Variants in SGCZ observed in about 807,000 individuals in gnomAD.
The protein encoded by SGCZ is sarcoglycan zeta, also known as zeta-sarcoglycan.
In SGCZ, 40 loss-of-function variants were observed where a neutral mutation model predicts 41.3. The ratio of observed to expected loss-of-function variants is 0.97; its 90% CI spans 0.75 to 1.26. The LOEUF (loss-of-function observed/expected upper bound fraction) is 1.26. Ranked by LOEUF, SGCZ falls within the 50% of genes most tolerant of loss-of-function variation. SGCZ has a pLI of 0.00. For synonymous variants in SGCZ, 206 were observed against 137.5 expected, an observed-to-expected ratio of 1.50 and a Z score of -3.49; for missense variants, 552 against 369.8, an observed-to-expected ratio of 1.49 and a Z score of -4.04.
At chr8:14,792,955 C>T (rs1324905181) in intron 1 of SGCZ, among the ~76,000 whole-genome samples, 1 of 152,030 alleles carries the variant, frequency 6.6e-6, no homozygotes, top group Non-Finnish European at 1.5e-5. Flanking sequence ...ATTTCTAACT[C>T]AGATCTCTCA....
chr8:15,038,836 A>AG (rs1563458712), intron 1 of SGCZ, among the ~76,000 whole-genome samples: 1 of 145,490 alleles, frequency 6.9e-6, no homozygotes, highest in African/African-American at 2.6e-5. Context: ...AAAAAAAAAA[A>AG]AAAGAAAGAA....
At chr8:15,236,137 G>A (rs552980137) in intron 1 of SGCZ, among the ~76,000 whole-genome samples, 4 of 152,134 alleles carry the variant, frequency 2.6e-5, no homozygotes, top group Admixed American at 2.0e-4. Context: ...CTCAGTCTTC[G>A]GTGGAAGTGG....
chr8:15,108,785 G>A (rs150359863), intron 1 of SGCZ, among the ~76,000 whole-genome samples: 17 of 152,238 alleles, frequency 1.1e-4, no homozygotes, highest in African/African-American at 3.1e-4. Flanking sequence ...ACATGAATAC[G>A]TCTATGCTGT....
intron 3 of SGCZ, among the ~76,000 whole-genome samples, chr8:14,288,520 G>A (rs1050861836): frequency 6.6e-6 from 1 of 152,000 alleles, no homozygotes; most frequent in African/African-American, 2.4e-5. Context: ...TCATACAAAT[G>A]GGCTTATATA....
At chr8:15,116,906 T>C (rs1807289452) in intron 1 of SGCZ, among the ~76,000 whole-genome samples, 1 of 152,240 alleles carries the variant, frequency 6.6e-6, no homozygotes, top group Admixed American at 6.5e-5. Flanking sequence ...ATACGTATTT[T>C]AGGGATATAA....
intron 2 of SGCZ, among the ~76,000 whole-genome samples, chr8:14,509,824 T>C (rs1266201914): frequency 2.6e-5 from 4 of 152,052 alleles, no homozygotes; most frequent in African/African-American, 7.2e-5. Context: ...TTTTACAAAG[T>C]GGCAGGAGAG....
intron 2 of SGCZ, among the ~76,000 whole-genome samples, chr8:14,525,168 ATAGAT>A (rs1249506980): frequency 3.6e-5 from 4 of 112,284 alleles, no homozygotes; most frequent in African/African-American, 2.6e-4. Context: ...AGATAGATAG[ATAGAT>A]AGATAGATAG....
At chr8:14,798,758 C>T (rs1255206002) in intron 1 of SGCZ, among the ~76,000 whole-genome samples, 1 of 151,938 alleles carries the variant, frequency 6.6e-6, no homozygotes, top group African/African-American at 2.4e-5. Flanking sequence ...TAATTTAAGA[C>T]AGCATGTACC....
intron 1 of SGCZ, among the ~76,000 whole-genome samples, chr8:14,832,739 G>A (rs1339127891): frequency 6.6e-6 from 1 of 152,074 alleles, no homozygotes; most frequent in African/African-American, 2.4e-5. Context: ...TATGATCTGT[G>A]TGCTTTCCTA....
At chr8:14,124,795 A>G (rs17118710) in intron 5 of SGCZ, among the ~76,000 whole-genome samples, 17,479 of 152,102 alleles carry the variant, frequency 0.11, 3,280 homozygotes, top group African/African-American at 0.39. Context: ...CCTAGCTACA[A>G]AATAAATTGG....
intron 1 of SGCZ, among the ~76,000 whole-genome samples, chr8:15,168,232 G>A (rs1232116529): frequency 6.6e-6 from 1 of 152,178 alleles, no homozygotes; most frequent in East Asian, 1.9e-4. Flanking sequence ...CTGGGTCTAA[G>A]GGATTCAGAG....
intron 1 of SGCZ, among the ~76,000 whole-genome samples, chr8:14,824,040 G>A (rs1265331670): frequency 1.3e-5 from 2 of 152,046 alleles, no homozygotes; most frequent in East Asian, 1.9e-4. Context: ...AAAAAAAAAG[G>A]TAGAGGATAT....
chr8:14,572,601 A>T (rs1804588388), intron 1 of SGCZ, among the ~76,000 whole-genome samples: 1 of 152,202 alleles, frequency 6.6e-6, no homozygotes, highest in South Asian at 2.1e-4. Flanking sequence ...CAGGAGACAT[A>T]GGAGGAGGCT....
chr8:14,671,360 C>T (rs1018769818), intron 1 of SGCZ, among the ~76,000 whole-genome samples: 1 of 151,956 alleles, frequency 6.6e-6, no homozygotes, highest in Non-Finnish European at 1.5e-5. Context: ...GTGTTAAAAC[C>T]CTTTTATTAA....
At chr8:14,443,163 A>T (rs1800323709) in intron 2 of SGCZ, among the ~76,000 whole-genome samples, 1 of 152,200 alleles carries the variant, frequency 6.6e-6, no homozygotes, top group Non-Finnish European at 1.5e-5. Context: ...ATAAAAGACG[A>T]TAGAAACAAA....
intron 1 of SGCZ, among the ~76,000 whole-genome samples, chr8:15,084,110 G>A (rs1454403519): frequency 1.3e-5 from 2 of 152,090 alleles, no homozygotes; most frequent in African/African-American, 4.8e-5. Flanking sequence ...ATTTTACGTG[G>A]TAAATCTCCA....
At chr8:14,644,807 C>G (rs745825231) in intron 1 of SGCZ, among the ~76,000 whole-genome samples, 2 of 151,748 alleles carry the variant, frequency 1.3e-5, no homozygotes, top group Non-Finnish European at 2.9e-5. Context: ...AGATTACCAA[C>G]TAATTCTAAG....
At chr8:15,175,859 G>A (rs569024474) in intron 1 of SGCZ, among the ~76,000 whole-genome samples, 37 of 152,174 alleles carry the variant, frequency 2.4e-4, no homozygotes, top group African/African-American at 7.5e-4. Context: ...AAAACCAAAG[G>A]AAAAGAGTTA....
chr8:14,251,900 G>A (rs1332085991), intron 3 of SGCZ, among the ~76,000 whole-genome samples: 10 of 152,036 alleles, frequency 6.6e-5, no homozygotes, highest in Admixed American at 6.6e-4. Flanking sequence ...AGTAGAGACG[G>A]GGTTTTGCAA....
Sources: allele counts gnomAD v4.1 joint callset (sites outside exome capture counted in the v4.1 genomes callset), GRCh38; gene constraint gnomAD v4.1.1; transcripts MANE v1.5; gene names NCBI Gene and HGNC (gene_info 2026-07-23, HGNC 2026-07-21).